LRRC7: variants seen among roughly 807,000 people sequenced by gnomAD.
LRRC7 encodes leucine-rich repeat-containing protein 7.
Under a neutral mutation model 175.7 loss-of-function variants are expected in LRRC7, and 23 were observed. The ratio of observed to expected loss-of-function variants is 0.13; its 90% confidence interval spans 0.09 to 0.19. The LOEUF (loss-of-function observed/expected upper bound fraction) is 0.19. LRRC7 is among the 10% of genes least tolerant of loss of function. The probability of loss-of-function intolerance (pLI) is 1.00; values close to 1 mark genes in which losing one functional copy is unlikely to be tolerated. For synonymous variants in LRRC7, 685 were observed against 680.9 expected, an observed-to-expected ratio of 1.01 and a Z score of -0.09; for missense variants, 1,354 against 1,904.7, an observed-to-expected ratio of 0.71 and a Z score of 5.38.
intron 4 of LRRC7, among the ~76,000 whole-genome samples, chr1:69,813,378 G>A (rs1051235516): frequency 1.3e-5 from 2 of 152,068 alleles, no homozygotes; most frequent in Admixed American, 6.6e-5. Flanking sequence ...AATCTGAAGT[G>A]CAGTCTTGAG....
intron 26 of LRRC7, among the ~76,000 whole-genome samples, chr1:70,117,962 G>A (rs1040065037): frequency 2.6e-5 from 4 of 151,764 alleles, no homozygotes; most frequent in Admixed American, 6.6e-5. Flanking sequence ...AGACATGCAC[G>A]TAAATCATAT....
chr1:69,916,923 G>A (rs1216033089), intron 7 of LRRC7, among the ~76,000 whole-genome samples: 3 of 152,058 alleles, frequency 2.0e-5, no homozygotes, highest in African/African-American at 4.8e-5. Flanking sequence ...GTTTATTTTG[G>A]TTGGTGGAAA....
chr1:69,615,283 C>T (rs1311007438), intron 1 of LRRC7, among the ~76,000 whole-genome samples: 1 of 151,986 alleles, frequency 6.6e-6, no homozygotes, highest in Non-Finnish European at 1.5e-5. Context: ...TCCTCAGCTT[C>T]CCTTGGAGCT....
chr1:69,929,873 T>A lies in LRRC7; in HGVS notation c.648-1634T>A, dbSNP rs150722023. ...TATTATGCAACTCCCCATTACATCA[T>A]CTTTCTACTCCTCCCTCTCTCTCTC... On this transcript the variant is annotated intron_variant, in intron 7 of 26. Coordinates refer to ENST00000651989, the MANE Select transcript of LRRC7 (RefSeq NM_001370785.2). Among the ~76,000 whole-genome samples the A allele has an allele frequency of 2.6e-4, 39 of 152,298 alleles. No homozygotes were observed. In the Middle Eastern group the frequency reaches 0.01, roughly 40 times the overall value.
chr1:69,857,029 T>A (rs1391236104), intron 7 of LRRC7, among the ~76,000 whole-genome samples: 1 of 152,122 alleles, frequency 6.6e-6, no homozygotes, highest in Non-Finnish European at 1.5e-5. Context: ...GTTATCTCAA[T>A]AGATGCAGAA....
intron 24 of LRRC7, among the ~76,000 whole-genome samples, chr1:70,078,877 G>T (rs753712303): frequency 1.3e-5 from 2 of 151,180 alleles, no homozygotes; most frequent in African/African-American, 2.4e-5. Flanking sequence ...AGCACTGAGG[G>T]TATAGAAACA....
intron 2 of LRRC7, among the ~76,000 whole-genome samples, chr1:69,721,083 A>G (rs1666292768): frequency 6.6e-6 from 1 of 151,826 alleles, no homozygotes; most frequent in African/African-American, 2.4e-5. Context: ...CAGCAGTGTT[A>G]GATTAATTGC....
chr1:69,664,020 C>A lies in LRRC7; in HGVS notation c.3-14361C>A, dbSNP rs1193149506. Among the ~76,000 whole-genome samples, 2 of 152,130 alleles carry A rather than the reference C, an allele frequency of 1.3e-5. 1 individual carries two copies. Among genetic ancestry groups the A allele is most frequent in the East Asian group, 3.9e-4 (2 of 5,184 alleles). ...ACAGGCGTGAGCCACCGCGCCCGGC[C>A]TCGTTTTAATTTTTATAAGTGTGAG... On this transcript the variant is annotated intron_variant, in intron 1 of 26. Transcript: ENST00000651989.
rs949188045 is a variant in LRRC7, at chr1:70,129,693, G to GTTTA, written c.*7811_*7814dup. ...AATCATTCAGCTGGCTGCATTTCAT[G>GTTTA]TTTATTTACTTCACTTTTTGGGTGG... is the stretch of plus-strand genomic sequence containing the variant. On this transcript the variant is annotated 3_prime_UTR_variant, in exon 27 of 27. Transcript: ENST00000651989. Among the ~76,000 whole-genome samples the GTTTA allele has an allele frequency of 4.6e-5, 7 of 152,282 alleles. No homozygotes were observed. Among genetic ancestry groups the GTTTA allele is most frequent in the African/African-American group, 1.7e-4 (7 of 41,554 alleles).
At chr1:69,694,196 A>G (rs190057343) in intron 2 of LRRC7, among the ~76,000 whole-genome samples, 1 of 152,296 alleles carries the variant, frequency 6.6e-6, no homozygotes, top group Admixed American at 6.5e-5. Context: ...TGAGATTTCT[A>G]GAGTGTTCCC....
Position 69,888,629 on chromosome 1 carries a change from C to G in LRRC7, c.648-42878C>G, listed in dbSNP as rs139216608. On this transcript the variant is annotated intron_variant, in intron 7 of 26. Transcript: ENST00000651989. The stretch of plus-strand genomic sequence containing the variant: ...ACCGGAGCTGTTCCTATTCGGCCAT[C>G]TTGGCTCCTCCTCCTGAGGACATTT... Among the ~76,000 whole-genome samples the G allele has an allele frequency of 7.2e-3, 1,095 of 152,264 alleles. 6 individuals carry two copies. Among genetic ancestry groups the G allele is most frequent in the African/African-American group, 0.024 (1,001 of 41,540 alleles).
chr1:69,614,186 T>G (rs1036710539), intron 1 of LRRC7, among the ~76,000 whole-genome samples: 7 of 152,028 alleles, frequency 4.6e-5, no homozygotes, highest in East Asian at 1.9e-4. Flanking sequence ...TTGAAAAATT[T>G]TATTGGTTTA....
At chr1:69,700,187 G>A (rs1015526601) in intron 2 of LRRC7, among the ~76,000 whole-genome samples, 1 of 152,156 alleles carries the variant, frequency 6.6e-6, no homozygotes, top group Non-Finnish European at 1.5e-5. Flanking sequence ...GCTTTAGGTT[G>A]TAGATCCTGA....
intron 14 of LRRC7, 109 bp from the exon 15 acceptor site, chr1:70,018,610 C>A: frequency 3.7e-6 from 2 of 542,452 alleles, no homozygotes; most frequent in Admixed American, 3.5e-5. Context: ...TATTTTATTT[C>A]TTTTTTCACT....
intron 2 of LRRC7, among the ~76,000 whole-genome samples, chr1:69,740,225 G>A (rs1312149022): frequency 2.0e-5 from 3 of 152,058 alleles, no homozygotes; most frequent in Admixed American, 2.0e-4. Flanking sequence ...TCTAGAGGAT[G>A]AAAGTCCAAG....
At position 70,062,986 on chromosome 1, in the gene LRRC7, T is replaced by C. The variant is rs11209586; in HGVS notation, c.4230+9841T>C. On this transcript the variant is annotated intron_variant, in intron 23 of 26. Coordinates refer to ENST00000651989, the MANE Select transcript of LRRC7 (RefSeq NM_001370785.2). The stretch of plus-strand genomic sequence containing the variant: ...GTTTAATTTACAGTCACTTTTGTAT[T>C]GGATTTTTCTTAAGACAACATTATT... 5.3e-3 allele frequency among the ~76,000 whole-genome samples: 812 copies of C among 152,220 alleles called. 8 individuals are homozygous for C. Among genetic ancestry groups the C allele is most frequent in the African/African-American group, 0.019 (771 of 41,560 alleles).
chr1:69,892,933 A>C (rs1283983443), intron 7 of LRRC7, among the ~76,000 whole-genome samples: 1 of 152,196 alleles, frequency 6.6e-6, no homozygotes, highest in Non-Finnish European at 1.5e-5. Flanking sequence ...TACTTATGCT[A>C]GTGTTGCTTA....
intron 26 of LRRC7, among the ~76,000 whole-genome samples, chr1:70,111,104 G>T (rs555527567): frequency 6.6e-6 from 1 of 152,098 alleles, no homozygotes; most frequent in Non-Finnish European, 1.5e-5. Context: ...TACTTTTGGG[G>T]TTTAATCTAA....
rs773385783 is a variant in LRRC7 at position 70,039,196 on chromosome 1, T to C, written c.3372T>C (p.Phe1124=). 3.7e-6 allele frequency: 6 copies of C among 1,614,148 alleles called. No homozygotes were observed. The African/African-American group carries it at 6.7e-5, about 18-fold the overall frequency. Residue 1124 remains phenylalanine, a synonymous_variant, in exon 21 of 27, where the codon TTT becomes TTC. Coordinates refer to ENST00000651989, the MANE Select transcript of LRRC7 (RefSeq NM_001370785.2). ...YRGYPPMEQM[F]SFSQPSVNED... The stretch of plus-strand genomic sequence containing the variant: ...GATACCCACCGATGGAGCAAATGTT[T>C]TCATTTTCTCAGCCATCTGTGAATG...
Sources: allele counts gnomAD v4.1 joint callset (sites outside exome capture counted in the v4.1 genomes callset), GRCh38; gene constraint gnomAD v4.1.1; transcripts MANE v1.5; gene names NCBI Gene and HGNC (gene_info 2026-07-23, HGNC 2026-07-21).